Variants in SGCZ observed in about 807,000 individuals in gnomAD.
SGCZ encodes the protein sarcoglycan zeta, also known as zeta-sarcoglycan.
A neutral mutation model predicts 41.3 loss-of-function variants in SGCZ; 40 were observed. The observed-to-expected ratio is 0.97, with a 90% CI of 0.75 to 1.26. The LOEUF (loss-of-function observed/expected upper bound fraction) is 1.26, where lower values mean the gene tolerates loss of function less well. Ranked by LOEUF, SGCZ falls within the 50% of genes most tolerant of loss-of-function variation. The pLI is 0.00. For synonymous variants in SGCZ, 206 were observed against 137.5 expected (o/e 1.50, Z -3.49); for missense variants, 552 against 369.8 (o/e 1.49, Z -4.04).
chr8:14,506,705 A>G (rs144086383), intron 2 of SGCZ, among the ~76,000 whole-genome samples: 4 of 152,254 alleles, frequency 2.6e-5, no homozygotes, highest in South Asian at 2.1e-4. Context: ...AAGGATATCA[A>G]TGGCTTTTAT....
At chr8:15,149,709 T>TAAAAAAA (rs1563151914) in intron 1 of SGCZ, among the ~76,000 whole-genome samples, 1 of 26,602 alleles carries the variant, frequency 3.8e-5, no homozygotes, top group Non-Finnish European at 7.0e-5. Context: ...AACTATAAAC[T>TAAAAAAA]ACAAAAAAAA....
intron 1 of SGCZ, 114 bp downstream of exon 1, chr8:15,237,471 G>T (rs1030840037): frequency 7.7e-7 from 1 of 1,298,738 alleles, no homozygotes. Flanking sequence ...ACGCCCCCTC[G>T]TCGTCCCGCG....
chr8:14,319,795 G>A (rs1390868472), intron 3 of SGCZ, among the ~76,000 whole-genome samples: 1 of 151,950 alleles, frequency 6.6e-6, no homozygotes, highest in African/African-American at 2.4e-5. Flanking sequence ...AGGACAAACT[G>A]GAGAGCAGCT....
At chr8:15,169,945 C>A (rs535650758) in intron 1 of SGCZ, among the ~76,000 whole-genome samples, 2 of 152,280 alleles carry the variant, frequency 1.3e-5, no homozygotes, top group South Asian at 2.1e-4. Flanking sequence ...TACGTAATTT[C>A]ATCATAGATA....
intron 1 of SGCZ, among the ~76,000 whole-genome samples, chr8:14,940,736 G>A (rs1242677554): frequency 6.6e-6 from 1 of 151,904 alleles, no homozygotes; most frequent in Non-Finnish European, 1.5e-5. Context: ...GACCATATAT[G>A]AATGAAGTGT....
chr8:14,301,491 C>T lies in SGCZ; in HGVS notation c.336+22612G>A, dbSNP rs532512860. 9.9e-5 allele frequency among the ~76,000 whole-genome samples: 15 copies of T among 152,162 alleles called. No individual in the cohort carries two copies. In the South Asian group the frequency reaches 1.9e-3, roughly 19 times the overall value. ...TAGTTTGCTGTTTTATAGATTACACCTTTCCAAATTTCACGGCAGTCTTTT... is the reference window on the plus strand; with the variant it reads ...TAGTTTGCTGTTTTATAGATTACACTTTTCCAAATTTCACGGCAGTCTTTT... On this transcript the variant is annotated intron_variant, in intron 3 of 7. Transcript: ENST00000382080.
At chr8:14,846,705 A>AC (rs1803121216) in intron 1 of SGCZ, among the ~76,000 whole-genome samples, 11 of 61,512 alleles carry the variant, frequency 1.8e-4, no homozygotes, top group East Asian at 7.4e-4. Context: ...TTTAAATCCA[A>AC]AAAAAAAAAA....
intron 3 of SGCZ, among the ~76,000 whole-genome samples, chr8:14,274,455 A>T (rs1178217008): frequency 1.3e-5 from 2 of 152,186 alleles, no homozygotes; most frequent in Non-Finnish European, 2.9e-5. Context: ...CATTTGACAA[A>T]TCCAAATAGC....
At chr8:14,856,321 G>C (rs1803544001) in intron 1 of SGCZ, among the ~76,000 whole-genome samples, 1 of 152,174 alleles carries the variant, frequency 6.6e-6, no homozygotes, top group South Asian at 2.1e-4. Flanking sequence ...ATTTGGGAAG[G>C]ACAGGCCCTT....
Position 14,634,976 on chromosome 8 carries a change from G to A in SGCZ, c.40-80050C>T, listed in dbSNP as rs116837082. 4.5e-3 allele frequency among the ~76,000 whole-genome samples: 679 copies of A among 151,726 alleles called. 2 individuals are homozygous for A. The highest frequency in any genetic ancestry group is 0.015 in the African/African-American group (637 of 41,454). Reference sequence around the variant, plus strand: ...AATTGATGCATTATGATATTTAAATGATTCTTTGGAGGGGTAATTAACTTT... The same window carrying A: ...AATTGATGCATTATGATATTTAAATAATTCTTTGGAGGGGTAATTAACTTT... On this transcript the variant is annotated intron_variant, in intron 1 of 7. Coordinates refer to ENST00000382080, the MANE Select transcript of SGCZ (RefSeq NM_139167.4).
chr8:14,161,225 A>G (rs1189277706), intron 5 of SGCZ: 1 of 152,226 alleles, frequency 6.6e-6, no homozygotes, highest in Non-Finnish European at 1.5e-5. Context: ...TATGCTACGC[A>G]CATTTTTTTC....
chr8:14,964,068 A>T (rs1306870859), intron 1 of SGCZ, among the ~76,000 whole-genome samples: 1 of 152,236 alleles, frequency 6.6e-6, no homozygotes, highest in Non-Finnish European at 1.5e-5. Context: ...CTTATAAGCC[A>T]TGCACTGAAG....
At chr8:14,679,456 T>A (rs1191102264) in intron 1 of SGCZ, among the ~76,000 whole-genome samples, 1 of 151,614 alleles carries the variant, frequency 6.6e-6, no homozygotes, top group Non-Finnish European at 1.5e-5. Context: ...AACTAATATG[T>A]GTGTTCGTGT....
chr8:14,890,085 TG>T (rs988822783), intron 1 of SGCZ, among the ~76,000 whole-genome samples: 2 of 151,874 alleles, frequency 1.3e-5, no homozygotes, highest in Non-Finnish European at 2.9e-5. Context: ...GGCATGGTCG[TG>T]GGCACCCATA....
At chr8:14,510,272 A>T (rs559816028) in intron 2 of SGCZ, among the ~76,000 whole-genome samples, 3 of 152,140 alleles carry the variant, frequency 2.0e-5, no homozygotes, top group Non-Finnish European at 4.4e-5. Flanking sequence ...GTAGAAAGTA[A>T]ACTGAAAATG....
At chr8:14,546,859 T>A (rs962001762) in intron 2 of SGCZ, among the ~76,000 whole-genome samples, 2 of 152,310 alleles carry the variant, frequency 1.3e-5, no homozygotes, top group African/African-American at 4.8e-5. Flanking sequence ...TCTCAGAAAC[T>A]ATACAACCCA....
At chr8:14,510,702 G>C (rs1416626441) in intron 2 of SGCZ, among the ~76,000 whole-genome samples, 1 of 152,132 alleles carries the variant, frequency 6.6e-6, no homozygotes, top group African/African-American at 2.4e-5. Context: ...CTCCTTGATT[G>C]ACAAGGAAAA....
intron 2 of SGCZ, among the ~76,000 whole-genome samples, chr8:14,350,371 C>T (rs180787087): frequency 1.3e-4 from 19 of 151,962 alleles, no homozygotes; most frequent in Non-Finnish European, 2.5e-4. Context: ...CCCAAGTATG[C>T]TTTTTCAAGT....
At chr8:14,131,869 T>G (rs1362054420) in intron 5 of SGCZ, among the ~76,000 whole-genome samples, 1 of 152,222 alleles carries the variant, frequency 6.6e-6, no homozygotes. Flanking sequence ...AGTGACATGC[T>G]GTACAGCTTT....
Sources: allele counts gnomAD v4.1 joint callset (sites outside exome capture counted in the v4.1 genomes callset), GRCh38; gene constraint gnomAD v4.1.1; transcripts MANE v1.5; gene names NCBI Gene and HGNC (gene_info 2026-07-23, HGNC 2026-07-21).